Variants in DDX19B observed in about 807,000 individuals in gnomAD.
DDX19B encodes the protein ATP-dependent RNA helicase DDX19B.
A neutral mutation model predicts 58.1 loss-of-function variants in DDX19B; 27 were observed. That is an observed-to-expected ratio of 0.46 (90% confidence interval 0.34 to 0.64). The LOEUF (loss-of-function observed/expected upper bound fraction) is 0.64, where lower values mean the gene tolerates loss of function less well. Ranked by LOEUF, DDX19B falls within the 30% of genes least tolerant of loss-of-function variation. The pLI, the probability that DDX19B is intolerant of heterozygous loss-of-function variation, is 0.01. For missense variants in DDX19B, 399 were observed against 596.5 expected (o/e 0.67, Z 3.45); for synonymous variants, 187 against 214.4 (o/e 0.87, Z 1.12).
intron 2 of DDX19B, among the ~76,000 whole-genome samples, chr16:70,313,689 A>G (rs1443556537): frequency 6.6e-6 from 1 of 152,198 alleles, no homozygotes; most frequent in African/African-American, 2.4e-5. Context: ...GATTTCCATT[A>G]AATTATTGTT....
chr16:70,299,254 C>T lies in DDX19B; in HGVS notation c.-44C>T. ...CGGAGCCCACGATCCCTCGTGCCATCCCTCGAATCCACCAGCACGAGCGTC... is the reference window on the plus strand; with the variant it reads ...CGGAGCCCACGATCCCTCGTGCCATTCCTCGAATCCACCAGCACGAGCGTC... On this transcript the variant is annotated 5_prime_UTR_variant, in exon 1 of 12. Transcript: ENST00000288071. 2 of 1,522,598 alleles carry T rather than the reference C, an allele frequency of 1.3e-6. No individual in the cohort carries two copies. Among genetic ancestry groups the T allele is most frequent in the Non-Finnish European group, 1.8e-6 (2 of 1,134,622 alleles). 94.3% of individuals were successfully genotyped at this position (1,522,598 alleles called of 1,614,324 possible).
chr16:70,306,191 A>G (rs1961744116), intron 1 of DDX19B, among the ~76,000 whole-genome samples: 2 of 150,394 alleles, frequency 1.3e-5, no homozygotes, highest in Admixed American at 6.6e-5. Context: ...TTACTTTGTC[A>G]CCCAGGCTGG....
At chr16:70,324,446 G>C in intron 5 of DDX19B, 139 bp from the exon 6 acceptor site, 1 of 588,698 alleles carries the variant, frequency 1.7e-6, no homozygotes, top group Non-Finnish European at 2.9e-6. Context: ...ATAGTGCCCT[G>C]TTCTTGTGAA....
At chr16:70,315,147 T>C (rs1352427341) in intron 3 of DDX19B, among the ~76,000 whole-genome samples, 192 bp downstream of exon 3, 3 of 148,928 alleles carry the variant, frequency 2.0e-5, no homozygotes, top group East Asian at 3.9e-4. Flanking sequence ...GAGGCCGAGG[T>C]GGGCAGATCA....
At chr16:70,311,335 G>A (rs1444081836) in intron 1 of DDX19B, among the ~76,000 whole-genome samples, 8 of 151,946 alleles carry the variant, frequency 5.3e-5, no homozygotes, top group African/African-American at 1.9e-4. Flanking sequence ...AGCTGAGATC[G>A]CGCCCCTACA....
chr16:70,333,407 C>G (rs1963584292), intron 11 of DDX19B, 114 bp from the exon 12 acceptor site: 1 of 1,474,968 alleles, frequency 6.8e-7, no homozygotes, highest in Admixed American at 1.8e-5. Flanking sequence ...GACTAGGGGC[C>G]CTGCTGCCCC....
At chr16:70,326,342 T>G (rs912115587) in intron 7 of DDX19B, among the ~76,000 whole-genome samples, 4 of 151,954 alleles carry the variant, frequency 2.6e-5, no homozygotes, top group Non-Finnish European at 4.4e-5. Context: ...CCAGGCGTGG[T>G]GGCGGGCACC....
chr16:70,294,776 CA>C, upstream of DDX19B: 4 of 1,265,288 alleles, frequency 3.2e-6, no homozygotes, highest in Non-Finnish European at 4.2e-6. Context: ...AGGCCTCAGC[CA>C]ATGAGGCTCC....
rs1963572678 is a variant in DDX19B, at chr16:70,333,236, G to A, written c.1378+77G>A. 9.5e-6 allele frequency: 7 copies of A among 733,398 alleles called. No individual in the cohort carries two copies. The South Asian group carries it at 1.3e-4, about 14-fold the overall frequency. 45.4% of individuals were successfully genotyped at this position (733,398 alleles called of 1,614,324 possible). A position where few individuals can be genotyped will look rare whatever the true frequency, so the allele number is the denominator to read the frequency against. ...GGTGGTGAAAGGGGTAGGATCTTCT[G>A]TAGCCCCAAGAGAGGCTCTGTCCCT... On this transcript the variant is annotated intron_variant, in intron 11 of 11. Transcript: ENST00000288071.
upstream of DDX19B, among the ~76,000 whole-genome samples, chr16:70,293,493 G>A (rs961833326): frequency 2.0e-5 from 3 of 150,794 alleles, no homozygotes; most frequent in Admixed American, 6.6e-5. Flanking sequence ...AGGATGTAGC[G>A]CTAGACTCTT....
At chr16:70,304,528 A>G (rs1961657950) in intron 1 of DDX19B, among the ~76,000 whole-genome samples, 1 of 151,004 alleles carries the variant, frequency 6.6e-6, no homozygotes, top group African/African-American at 2.4e-5. Context: ...GCCTGCCACC[A>G]AGCCTGGCTA....
intron 7 of DDX19B, among the ~76,000 whole-genome samples, chr16:70,326,682 G>A (rs1045383561): frequency 2.6e-5 from 4 of 151,928 alleles, no homozygotes; most frequent in Non-Finnish European, 5.9e-5. Context: ...GATTACAGGT[G>A]CCTGCCACCA....
upstream of DDX19B, chr16:70,295,156 T>C (rs915357275): frequency 9.9e-7 from 1 of 1,008,216 alleles, no homozygotes; most frequent in Non-Finnish European, 1.3e-6. Context: ...ATCCAGATGC[T>C]CTTATTCCCC....
chr16:70,294,837 T>C, upstream of DDX19B: 1 of 1,503,624 alleles, frequency 6.7e-7, no homozygotes, highest in Non-Finnish European at 8.8e-7. Context: ...ACTGCCATGC[T>C]CAGCCGCGAT....
intron 5 of DDX19B, among the ~76,000 whole-genome samples, chr16:70,324,129 A>G (rs555359684): frequency 1.1e-4 from 16 of 152,064 alleles, no homozygotes; most frequent in Non-Finnish European, 1.2e-4. Context: ...GAGGGTTTCA[A>G]CTTGTACTCT....
intron 7 of DDX19B, among the ~76,000 whole-genome samples, chr16:70,328,022 T>C (rs1317392655): frequency 1.3e-5 from 2 of 151,510 alleles, no homozygotes; most frequent in African/African-American, 2.4e-5. Flanking sequence ...GGCATGGTGG[T>C]GCACACCTGT....
At chr16:70,326,462 GCGA>G in intron 7 of DDX19B, among the ~76,000 whole-genome samples, 1 of 152,242 alleles carries the variant, frequency 6.6e-6, no homozygotes, top group Non-Finnish European at 1.5e-5. Flanking sequence ...GGGCGACAGA[GCGA>G]GACTCCGTCT....
intron 3 of DDX19B, among the ~76,000 whole-genome samples, chr16:70,315,429 G>A (rs1962333574): frequency 6.6e-6 from 1 of 151,670 alleles, no homozygotes; most frequent in African/African-American, 2.4e-5. Flanking sequence ...TAGTCAGTAG[G>A]TGAAGGAGTT....
chr16:70,311,769 A>C (rs1168449138), intron 1 of DDX19B, among the ~76,000 whole-genome samples: 2 of 152,174 alleles, frequency 1.3e-5, no homozygotes, highest in Admixed American at 6.6e-5. Context: ...ACATCAGCAT[A>C]CTGTGGTCTT....
Sources: gnomAD v4.1 joint callset for allele counts (sites outside exome capture counted in the v4.1 genomes callset) on GRCh38, gnomAD v4.1.1 for gene constraint, MANE v1.5 for transcripts, NCBI Gene and HGNC (gene_info 2026-07-23, HGNC 2026-07-21) for gene names.